Variants in FSTL4 observed in about 807,000 individuals in gnomAD.
The protein encoded by FSTL4 is follistatin like 4.
Under a neutral mutation model 78.2 loss-of-function variants are expected in FSTL4, and 28 were observed. That is an observed-to-expected ratio of 0.36 (90% CI 0.27 to 0.49). The LOEUF is 0.49. Among genes scored for constraint, FSTL4 ranks in the 20% least tolerant of loss-of-function variants. FSTL4 has a pLI of 0.98. For synonymous variants in FSTL4, 422 were observed against 440.5 expected (o/e 0.96, Z 0.53); for missense variants, 922 against 1,084.9 (o/e 0.85, Z 2.11).
At chr5:133,392,336 C>T (rs1755869244) in intron 4 of FSTL4, among the ~76,000 whole-genome samples, 1 of 152,008 alleles carries the variant, frequency 6.6e-6, no homozygotes, top group African/African-American at 2.4e-5. Context: ...AGGGGAAATA[C>T]CTGGAAGCAG....
intron 3 of FSTL4, among the ~76,000 whole-genome samples, chr5:133,542,596 G>T (rs1759498916): frequency 6.6e-6 from 1 of 152,168 alleles, no homozygotes; most frequent in African/African-American, 2.4e-5. Flanking sequence ...TTTGTGGGAA[G>T]ATTTCCAGTT....
the FSTL4 span, among the ~76,000 whole-genome samples, chr5:133,785,059 A>T: frequency 1.6e-4 from 25 of 152,304 alleles, no homozygotes; most frequent in South Asian, 5.2e-3. Context: ...TGCTCCTCTG[A>T]GCTCGAGAAG....
chr5:133,307,927 C>T (rs1753692644), intron 6 of FSTL4, among the ~76,000 whole-genome samples: 1 of 152,024 alleles, frequency 6.6e-6, no homozygotes, highest in South Asian at 2.1e-4. Context: ...ACTACAGGCG[C>T]CCACCACCAA....
chr5:133,424,724 GGCT>G (rs2126990447), intron 3 of FSTL4, among the ~76,000 whole-genome samples: 1 of 152,302 alleles, frequency 6.6e-6, no homozygotes, highest in Non-Finnish European at 1.5e-5. Flanking sequence ...CCCATAGCTG[GGCT>G]CACTTCTAAA....
intron 14 of FSTL4, among the ~76,000 whole-genome samples, chr5:133,206,127 C>T (rs1750493650): frequency 6.6e-6 from 1 of 152,158 alleles, no homozygotes; most frequent in African/African-American, 2.4e-5. Flanking sequence ...TGTGCATTTT[C>T]ACCCTATAGT....
At chr5:133,528,588 A>C (rs1399742396) in intron 3 of FSTL4, among the ~76,000 whole-genome samples, 9 of 152,108 alleles carry the variant, frequency 5.9e-5, no homozygotes, top group Admixed American at 3.9e-4. Context: ...CCTAGCACCC[A>C]GGGCAGAGCC....
At chr5:133,484,711 G>C (rs1232122938) in intron 3 of FSTL4, among the ~76,000 whole-genome samples, 1 of 152,164 alleles carries the variant, frequency 6.6e-6, no homozygotes, top group East Asian at 1.9e-4. Context: ...ATAACACAGT[G>C]AAAAGAGCCT....
the FSTL4 span, among the ~76,000 whole-genome samples, chr5:133,620,062 T>A: frequency 2.6e-5 from 4 of 152,202 alleles, no homozygotes. Context: ...GTCTGACGCA[T>A]ATGCTAAAAA....
intron 3 of FSTL4, among the ~76,000 whole-genome samples, chr5:133,410,641 G>A (rs1756460469): frequency 6.6e-6 from 1 of 152,136 alleles, no homozygotes; most frequent in Non-Finnish European, 1.5e-5. Context: ...GGCCGCCCCG[G>A]TCCGCACCTT....
At chr5:133,742,562 C>A in the FSTL4 span, among the ~76,000 whole-genome samples, 1 of 151,996 alleles carries the variant, frequency 6.6e-6, no homozygotes, top group Admixed American at 6.5e-5. Flanking sequence ...TAATACAGAG[C>A]AGTATACTGA....
the FSTL4 span, among the ~76,000 whole-genome samples, chr5:133,723,788 G>A: frequency 9.9e-5 from 15 of 152,162 alleles, 1 homozygote. Context: ...ATGGCACTGG[G>A]GAACCCAACT....
intron 6 of FSTL4, among the ~76,000 whole-genome samples, chr5:133,296,153 A>C (rs535890821): frequency 6.6e-6 from 1 of 152,192 alleles, no homozygotes; most frequent in East Asian, 1.9e-4. Flanking sequence ...TCCAGTCCTC[A>C]TGCCCAAAAC....
chr5:133,555,670 A>AAC (rs138077432), intron 3 of FSTL4, among the ~76,000 whole-genome samples: 2,760 of 152,246 alleles, frequency 0.018, 28 homozygotes, highest in Non-Finnish European at 0.024. Context: ...TTAAAAAATA[A>AAC]ACACACACAC....
the FSTL4 span, among the ~76,000 whole-genome samples, chr5:133,717,919 A>C: frequency 6.6e-6 from 1 of 152,318 alleles, no homozygotes; most frequent in East Asian, 1.9e-4. Context: ...TGTTCATTTC[A>C]CTTGGGTAAA....
the FSTL4 span, among the ~76,000 whole-genome samples, chr5:133,665,554 A>G: frequency 0.53 from 81,027 of 151,934 alleles, 22,961 homozygotes; most frequent in African/African-American, 0.74. Context: ...CTTTCTCAGC[A>G]CCCAGATATT....
At chr5:133,718,430 G>T in the FSTL4 span, among the ~76,000 whole-genome samples, 6 of 152,096 alleles carry the variant, frequency 3.9e-5, no homozygotes, top group Non-Finnish European at 8.8e-5. Context: ...GTCTCTCCTT[G>T]TGGCTTTATT....
chr5:133,742,966 T>G, the FSTL4 span, among the ~76,000 whole-genome samples: 5 of 152,340 alleles, frequency 3.3e-5, no homozygotes, highest in East Asian at 9.6e-4. Flanking sequence ...TGTGACTGTT[T>G]GTGGCTTTTC....
In FSTL4 at chr5:133,210,237, C is replaced by G. The variant is rs1404109178; in HGVS notation, c.1670G>C (p.Trp557Ser). ...GTGCACGTCCCCCCAGCTCAGGACC[C>G]ACACTTGGTCATGTGACTTGTCATA... ...LSYDKSHDQV[W>S]VLSWGDVHKS... is the part of the protein sequence containing the mutation. Residue 557 changes from tryptophan (W) to serine (S), a missense_variant, in exon 14 of 16, where the codon TGG (tryptophan) becomes TCG (serine). Coordinates refer to ENST00000265342, the MANE Select transcript of FSTL4 (RefSeq NM_015082.2). 2.5e-6 allele frequency: 4 copies of G among 1,613,068 alleles called. No homozygotes were observed. In the African/African-American group the frequency reaches 4.0e-5, roughly 16 times the overall value.
At chr5:133,380,815 C>CATATATAT (rs34021720) in intron 4 of FSTL4, among the ~76,000 whole-genome samples, 1 of 148,716 alleles carries the variant, frequency 6.7e-6, no homozygotes, top group Non-Finnish European at 1.5e-5. Context: ...AAATATATAT[C>CATATATAT]ATATATATAT....
Sources: allele counts gnomAD v4.1 joint callset (sites outside exome capture counted in the v4.1 genomes callset), GRCh38; gene constraint gnomAD v4.1.1; transcripts MANE v1.5; gene names NCBI Gene and HGNC (gene_info 2026-07-23, HGNC 2026-07-21).